CYP7B1: variants seen among roughly 807,000 people sequenced by gnomAD.
The protein encoded by CYP7B1 is cytochrome P450 family 7 subfamily B member 1.
Under a neutral mutation model 42.7 loss-of-function variants are expected in CYP7B1, and 29 were observed. The observed-to-expected ratio is 0.68, with a 90% CI of 0.51 to 0.93. The LOEUF (loss-of-function observed/expected upper bound fraction) is 0.93. Among genes scored for constraint, CYP7B1 ranks in the 40% least tolerant of loss-of-function variants. The probability of loss-of-function intolerance (pLI) is 0.00; values close to 1 mark genes in which losing one functional copy is unlikely to be tolerated. For synonymous variants in CYP7B1, 235 were observed against 218.2 expected, an observed-to-expected ratio of 1.08 and a Z score of -0.68; for missense variants, 655 against 600.5, an observed-to-expected ratio of 1.09 and a Z score of -0.95.
At chr8:64,737,597 A>C (rs1474562379) in intron 1 of CYP7B1, among the ~76,000 whole-genome samples, 1 of 152,224 alleles carries the variant, frequency 6.6e-6, no homozygotes, top group African/African-American at 2.4e-5. Flanking sequence ...CTTTTCAAAA[A>C]TTATGCCTTG....
At position 64,596,755 on chromosome 8, in the gene CYP7B1, A is replaced by T. The variant is rs267606758; in HGVS notation, c.1408T>A (p.Phe470Ile). The change falls in exon 6 of 6, where the codon TTT (phenylalanine) becomes ATT (isoleucine). Residue 470 changes from phenylalanine (F) to isoleucine (I), a missense_variant. Physicochemically the swap from Phe to Ile is conservative, Grantham distance 21. Transcript: ENST00000310193. ...KQLLVILLTY[F>I]DLEIIDDKPI... is the part of the protein sequence containing the mutation. ...TTATCATCAATTATTTCTAAATCAA[A>T]ATAAGTTAAAAGTATAACCAACAAT... 2.5e-6 allele frequency: 4 copies of T among 1,613,984 alleles called. No individual in the cohort carries two copies. The highest frequency in any genetic ancestry group is 3.4e-6 in the Non-Finnish European group (4 of 1,179,918).
At chr8:64,747,935 C>A (rs891922726) in intron 1 of CYP7B1, among the ~76,000 whole-genome samples, 5 of 151,978 alleles carry the variant, frequency 3.3e-5, no homozygotes, top group Non-Finnish European at 7.4e-5. Flanking sequence ...TAAAAACTTG[C>A]AGGGGAGGAA....
intron 4 of CYP7B1, among the ~76,000 whole-genome samples, chr8:64,606,599 T>C (rs1308837618): frequency 4.6e-5 from 7 of 152,148 alleles, no homozygotes; most frequent in Non-Finnish European, 4.4e-5. Flanking sequence ...CATGGCAGCT[T>C]GCGCCCACCA....
At chr8:64,764,372 T>C (rs1807940254) in intron 1 of CYP7B1, among the ~76,000 whole-genome samples, 1 of 151,442 alleles carries the variant, frequency 6.6e-6, no homozygotes, top group South Asian at 2.1e-4. Context: ...TAAAAGTGAA[T>C]TGAGTAAGTC....
chr8:64,657,299 T>C, intron 1 of CYP7B1, among the ~76,000 whole-genome samples: 1 of 152,154 alleles, frequency 6.6e-6, no homozygotes, highest in East Asian at 1.9e-4. Context: ...TAGTAATTTC[T>C]AGAATAAATG....
At chr8:64,782,029 G>A (rs1487047982) in intron 1 of CYP7B1, among the ~76,000 whole-genome samples, 1 of 152,122 alleles carries the variant, frequency 6.6e-6, no homozygotes, top group Non-Finnish European at 1.5e-5. Context: ...CCTCGATGAT[G>A]TTCATTTCCA....
chr8:64,658,505 A>AT (rs1401992319), intron 1 of CYP7B1, among the ~76,000 whole-genome samples: 1 of 151,956 alleles, frequency 6.6e-6, no homozygotes, highest in African/African-American at 2.4e-5. Flanking sequence ...TGGAATGTGC[A>AT]TTTTTTTCCA....
At chr8:64,609,768 T>G (rs982127441) in intron 4 of CYP7B1, among the ~76,000 whole-genome samples, 9 of 152,186 alleles carry the variant, frequency 5.9e-5, no homozygotes, top group Admixed American at 5.2e-4. Context: ...TGCCAGAGAT[T>G]ATCAGCAACC....
chr8:64,743,553 C>T (rs1483948382), intron 1 of CYP7B1, among the ~76,000 whole-genome samples: 1 of 152,160 alleles, frequency 6.6e-6, no homozygotes, highest in Non-Finnish European at 1.5e-5. Context: ...TTGACTTCTT[C>T]CAAGAACTGG....
chr8:64,593,832 T>G lies in CYP7B1; in HGVS notation c.*2810A>C, dbSNP rs1430768708. Reference sequence around the variant, plus strand: ...CAGTTGAAGAAATGAAAAAGGATGTTGAGTTTATAATAAAGGTACAAGATA... The same window carrying G: ...CAGTTGAAGAAATGAAAAAGGATGTGGAGTTTATAATAAAGGTACAAGATA... On this transcript the variant is annotated 3_prime_UTR_variant, in exon 6 of 6. Transcript: ENST00000310193. Among the ~76,000 whole-genome samples, 1 of 152,154 alleles carries G rather than the reference T, an allele frequency of 6.6e-6. No homozygotes were observed. Among genetic ancestry groups the G allele is most frequent in the Non-Finnish European group, 1.5e-5 (1 of 68,030 alleles).
chr8:64,620,677 C>A (rs1406473763), intron 2 of CYP7B1, among the ~76,000 whole-genome samples: 1 of 152,152 alleles, frequency 6.6e-6, no homozygotes, highest in Non-Finnish European at 1.5e-5. Flanking sequence ...TTCACATTTT[C>A]TAAATGAGCT....
At chr8:64,600,218 G>C (rs759170593) in intron 5 of CYP7B1, among the ~76,000 whole-genome samples, 30 of 152,288 alleles carry the variant, frequency 2.0e-4, no homozygotes, top group Middle Eastern at 3.4e-3. Flanking sequence ...TTTGGATAGA[G>C]GACACAATTT....
intron 1 of CYP7B1, among the ~76,000 whole-genome samples, chr8:64,752,757 T>A (rs1361583817): frequency 6.6e-6 from 1 of 152,174 alleles, no homozygotes; most frequent in Non-Finnish European, 1.5e-5. Flanking sequence ...GGGTCAAATT[T>A]TATATATATG....
chr8:64,789,063 G>C (rs1291450094), intron 1 of CYP7B1, among the ~76,000 whole-genome samples: 1 of 152,078 alleles, frequency 6.6e-6, no homozygotes, highest in Non-Finnish European at 1.5e-5. Flanking sequence ...TGGGATTACA[G>C]GCACGCACCA....
At position 64,623,862 on chromosome 8, in the gene CYP7B1, T is replaced by C. The variant is rs377719607; in HGVS notation, c.259+541A>G. 5.2e-4 allele frequency among the ~76,000 whole-genome samples: 79 copies of C among 152,232 alleles called. No individual in the cohort carries two copies. In the East Asian group the frequency reaches 0.013, roughly 24 times the overall value. ...TGGTGGATACATGTCATTATACATT[T>C]GTGAAAACCCAACGAACTACACAAT... On this transcript the variant is annotated intron_variant, in intron 2 of 5. Transcript: ENST00000310193.
intron 1 of CYP7B1, among the ~76,000 whole-genome samples, chr8:64,779,279 A>C (rs1804378870): frequency 1.3e-5 from 2 of 152,142 alleles, no homozygotes; most frequent in Non-Finnish European, 2.9e-5. Flanking sequence ...ACTGACTTTC[A>C]ACCTCTATAA....
intron 2 of CYP7B1, among the ~76,000 whole-genome samples, chr8:64,619,847 A>G (rs1805500798): frequency 6.6e-6 from 1 of 152,154 alleles, no homozygotes; most frequent in Non-Finnish European, 1.5e-5. Context: ...TGGTGTTTTC[A>G]TTTTATATAT....
chr8:64,713,406 C>A (rs1807110152), intron 1 of CYP7B1, among the ~76,000 whole-genome samples: 1 of 151,728 alleles, frequency 6.6e-6, no homozygotes, highest in Admixed American at 6.6e-5. Flanking sequence ...AAAGCAGGCT[C>A]CCAAAATGAG....
chr8:64,683,785 G>C (rs1473153384), intron 1 of CYP7B1, among the ~76,000 whole-genome samples: 3 of 152,028 alleles, frequency 2.0e-5, no homozygotes, highest in Non-Finnish European at 4.4e-5. Context: ...TGATGTTCTA[G>C]TGAGCCTTTA....
Sources: allele counts gnomAD v4.1 joint callset (sites outside exome capture counted in the v4.1 genomes callset), GRCh38; gene constraint gnomAD v4.1.1; transcripts MANE v1.5; gene names NCBI Gene and HGNC (gene_info 2026-07-23, HGNC 2026-07-21).